EIF4B: variants seen among roughly 807,000 people sequenced by gnomAD.
EIF4B encodes eukaryotic translation initiation factor 4B.
A neutral mutation model predicts 79.3 loss-of-function variants in EIF4B; 8 were observed. The observed-to-expected ratio is 0.10, with a 90% CI of 0.06 to 0.18. The LOEUF (loss-of-function observed/expected upper bound fraction) is 0.18. Among genes scored for constraint, EIF4B ranks in the 10% least tolerant of loss-of-function variants. EIF4B has a pLI of 1.00. For synonymous variants in EIF4B, 238 were observed against 274.7 expected, an observed-to-expected ratio of 0.87 and a Z score of 1.32; for missense variants, 515 against 792.4, an observed-to-expected ratio of 0.65 and a Z score of 4.20.
chr12:53,008,968 G>A (rs1943016284), intron 1 of EIF4B, among the ~76,000 whole-genome samples: 2 of 152,130 alleles, frequency 1.3e-5, no homozygotes, highest in Admixed American at 1.3e-4. Context: ...CTGGGAGGGG[G>A]AGATTGCAGT....
At position 53,018,829 on chromosome 12, in the gene EIF4B, T is replaced by A. The variant is rs1177961887; in HGVS notation, c.183T>A (p.Asp61Glu). 2 of 1,613,278 alleles carry A rather than the reference T, an allele frequency of 1.2e-6. No individual in the cohort carries two copies. ...CCACTTGGCACAGTAACGATGACGA[T>A]GTGTATAGGGCGCCTCCAATTGACC... ...VSTTWHSNDD[D>E]VYRAPPIDRS... Residue 61 changes from aspartate to glutamate, a missense_variant, in exon 3 of 15, where the codon GAT becomes GAA. By Grantham distance (45) the Asp-to-Glu change is conservative. Transcript: ENST00000262056.
intron 1 of EIF4B, among the ~76,000 whole-genome samples, chr12:53,009,982 T>C (rs943567048): frequency 7.2e-5 from 11 of 152,226 alleles, no homozygotes; most frequent in African/African-American, 2.7e-4. Flanking sequence ...TAGGTTTGCC[T>C]TATGTACATT....
rs1047630811 is a variant in EIF4B at position 53,034,605 on chromosome 12, C to T, written c.1209-7C>T. The T allele has an allele frequency of 1.9e-6, 3 of 1,613,918 alleles. No individual in the cohort carries two copies. Among genetic ancestry groups the T allele is most frequent in the East Asian group, 2.2e-5 (1 of 44,888 alleles). ...CATAATGTGTATTTTGTGAATCTCT[C>T]GTACAGACACCCAAGCTGGCGAAGT... On this transcript the variant is annotated splice_polypyrimidine_tract_variant and splice_region_variant and intron_variant, in intron 9 of 14. Coordinates refer to ENST00000262056, the MANE Select transcript of EIF4B (RefSeq NM_001417.7).
At chr12:53,015,547 G>T (rs1378496039) in intron 1 of EIF4B, among the ~76,000 whole-genome samples, 2 of 151,952 alleles carry the variant, frequency 1.3e-5, no homozygotes, top group African/African-American at 4.8e-5. Flanking sequence ...GCTGGGCGTG[G>T]TAGTGTGCCT....
chr12:53,040,053 C>T (rs1943605981), intron 14 of EIF4B, 90 bp from the exon 15 acceptor site: 4 of 1,431,420 alleles, frequency 2.8e-6, no homozygotes, highest in Non-Finnish European at 3.9e-6. Context: ...ACTGTCATCC[C>T]CCATTGCCAA....
At chr12:53,023,772 G>A (rs949103355) in intron 6 of EIF4B, among the ~76,000 whole-genome samples, 2 of 150,466 alleles carry the variant, frequency 1.3e-5, no homozygotes, top group African/African-American at 2.4e-5. Context: ...TAGTAGAGAT[G>A]GGGTTTCTCC....
intron 6 of EIF4B, among the ~76,000 whole-genome samples, chr12:53,026,495 T>C (rs986076219): frequency 1.1e-4 from 16 of 152,242 alleles, no homozygotes; most frequent in Non-Finnish European, 1.9e-4. Flanking sequence ...AATTATTTCC[T>C]CAGTGAATTT....
chr12:53,021,920 C>G (rs1227182454), intron 5 of EIF4B, 60 bp downstream of exon 5: 1 of 1,603,820 alleles, frequency 6.2e-7, no homozygotes, highest in Non-Finnish European at 8.5e-7. Flanking sequence ...CCAAGCCATC[C>G]TTTCCCAGAA....
Position 53,041,706 on chromosome 12 carries a change from A to AGAACAG in EIF4B, c.*1484_*1485insAACAGG, listed in dbSNP as rs1800697989. The AGAACAG allele has an allele frequency of 6.6e-6, 1 of 152,176 alleles. No homozygotes were observed. Among genetic ancestry groups the AGAACAG allele is most frequent in the Non-Finnish European group, 1.5e-5 (1 of 68,046 alleles). The allele number at this position is 152,176 out of a possible 1,614,324, so 9.4% of individuals were successfully genotyped here. A position where few individuals can be genotyped will look rare whatever the true frequency, so the allele number is the denominator to read the frequency against. On this transcript the variant is annotated 3_prime_UTR_variant, in exon 15 of 15. Coordinates refer to ENST00000262056, the MANE Select transcript of EIF4B (RefSeq NM_001417.7). ...GCCCTTCTCCCATCAGTCCTAGATTAGGCCCTGTTCAGCCATGCAGGGGTG... is the reference window on the plus strand; with the variant it reads ...GCCCTTCTCCCATCAGTCCTAGATTAGAACAGGGCCCTGTTCAGCCATGCAGGGGTG...
At chr12:53,008,529 G>A (rs1943007376) in intron 1 of EIF4B, 1 of 152,206 alleles carries the variant, frequency 6.6e-6, no homozygotes, top group Admixed American at 6.5e-5. Context: ...TGTGTTCTGT[G>A]TGAAAATACA....
At chr12:53,032,005 G>A (rs1036562869) in intron 8 of EIF4B, among the ~76,000 whole-genome samples, 6 of 152,126 alleles carry the variant, frequency 3.9e-5, no homozygotes, top group Non-Finnish European at 8.8e-5. Context: ...AAACACTTAG[G>A]TTTCTCTTGA....
At chr12:53,029,425 G>C (rs1332018646) in intron 8 of EIF4B, among the ~76,000 whole-genome samples, 4 of 149,682 alleles carry the variant, frequency 2.7e-5, no homozygotes, top group Non-Finnish European at 4.4e-5. Context: ...TGCCAGGCTG[G>C]AGTGCAGTGG....
At chr12:53,006,533 C>T (rs1942962997) in intron 1 of EIF4B, 37 bp downstream of exon 1, 4 of 1,613,422 alleles carry the variant, frequency 2.5e-6, no homozygotes, top group Non-Finnish European at 2.5e-6. Context: ...GGACTGGGCT[C>T]TGAAACCCCC....
intron 1 of EIF4B, among the ~76,000 whole-genome samples, chr12:53,008,900 T>C (rs911167141): frequency 2.0e-5 from 3 of 152,014 alleles, no homozygotes; most frequent in Non-Finnish European, 2.9e-5. Flanking sequence ...CTGGGCGTGG[T>C]GTCGCGTGCT....
chr12:53,015,431 G>T (rs1352335429), intron 1 of EIF4B, among the ~76,000 whole-genome samples: 1 of 152,186 alleles, frequency 6.6e-6, no homozygotes, highest in Non-Finnish European at 1.5e-5. Context: ...TGTAATCCCA[G>T]CATTTTGGGA....
intron 6 of EIF4B, among the ~76,000 whole-genome samples, chr12:53,023,473 C>T (rs1027720483): frequency 1.3e-5 from 2 of 152,022 alleles, no homozygotes; most frequent in African/African-American, 2.4e-5. Flanking sequence ...CCTCATGATC[C>T]GCCCGCCTTG....
chr12:53,027,612 C>T (rs955950528), intron 6 of EIF4B, among the ~76,000 whole-genome samples, 170 bp from the exon 7 acceptor site: 3 of 152,156 alleles, frequency 2.0e-5, no homozygotes, highest in African/African-American at 7.2e-5. Context: ...CCAACCCACC[C>T]TTCCCAAATT....
chr12:53,016,845 A>G (rs566448955), intron 2 of EIF4B, among the ~76,000 whole-genome samples: 10 of 152,310 alleles, frequency 6.6e-5, no homozygotes, highest in South Asian at 2.1e-4. Flanking sequence ...TCTTGCATTA[A>G]CAGACTTCTT....
chr12:53,027,137 ATTTTT>A (rs71095967), intron 6 of EIF4B, among the ~76,000 whole-genome samples: 4 of 25,744 alleles, frequency 1.6e-4, no homozygotes, highest in African/African-American at 3.3e-4. Context: ...AAAAAAAAAA[ATTTTT>A]TTTTTTTTTT....
Sources: gnomAD v4.1 joint callset for allele counts (sites outside exome capture counted in the v4.1 genomes callset) on GRCh38, gnomAD v4.1.1 for gene constraint, MANE v1.5 for transcripts, NCBI Gene and HGNC (gene_info 2026-07-23, HGNC 2026-07-21) for gene names.